HTR1F: variants seen among roughly 807,000 people sequenced by gnomAD.
The protein encoded by HTR1F is 5-hydroxytryptamine receptor 1F.
Under a neutral mutation model 24.0 loss-of-function variants are expected in HTR1F, and 17 were observed. The ratio of observed to expected loss-of-function variants is 0.71; its 90% CI spans 0.48 to 1.06. The LOEUF is 1.06. Ranked by LOEUF, HTR1F falls within the 50% of genes least tolerant of loss-of-function variation. The pLI, the probability that HTR1F is intolerant of heterozygous loss-of-function variation, is 0.00. For missense variants in HTR1F, 391 were observed against 427.8 expected, an observed-to-expected ratio of 0.91 and a Z score of 0.76; for synonymous variants, 186 against 156.8, an observed-to-expected ratio of 1.19 and a Z score of -1.39.
At chr3:87,931,502 T>C (rs1704271056) in intron 2 of HTR1F, among the ~76,000 whole-genome samples, 1 of 152,214 alleles carries the variant, frequency 6.6e-6, no homozygotes, top group Non-Finnish European at 1.5e-5. Flanking sequence ...AGTGCTGCAA[T>C]AAACATACGT....
chr3:87,838,993 CTTT>C (rs1704740212), intron 2 of HTR1F, among the ~76,000 whole-genome samples: 1 of 147,854 alleles, frequency 6.8e-6, no homozygotes, highest in Non-Finnish European at 1.5e-5. Context: ...ATTGATTGTT[CTTT>C]TTATTTATTT....
chr3:87,983,195 A>C (rs565049697), intron 2 of HTR1F, among the ~76,000 whole-genome samples: 1 of 152,206 alleles, frequency 6.6e-6, no homozygotes, highest in African/African-American at 2.4e-5. Context: ...ATTCAAAGCC[A>C]AAAAGTTAAG....
At chr3:87,834,019 C>T (rs576418999) in intron 2 of HTR1F, among the ~76,000 whole-genome samples, 1 of 152,212 alleles carries the variant, frequency 6.6e-6, no homozygotes, top group South Asian at 2.1e-4. Context: ...CTCAGGTGCA[C>T]ATTTTGTGTT....
intron 2 of HTR1F, among the ~76,000 whole-genome samples, chr3:87,936,831 C>T (rs539343363): frequency 6.6e-6 from 1 of 151,898 alleles, no homozygotes; most frequent in Admixed American, 6.6e-5. Flanking sequence ...CTGAGATACT[C>T]ATTTCATCTC....
intron 2 of HTR1F, among the ~76,000 whole-genome samples, chr3:87,949,976 C>A (rs1206169349): frequency 6.6e-6 from 1 of 152,154 alleles, no homozygotes; most frequent in Non-Finnish European, 1.5e-5. Flanking sequence ...ATCTGCTCAG[C>A]TTCTGATGAG....
intron 2 of HTR1F, among the ~76,000 whole-genome samples, chr3:87,883,111 G>A (rs1705846943): frequency 6.6e-6 from 1 of 152,160 alleles, no homozygotes; most frequent in Non-Finnish European, 1.5e-5. Flanking sequence ...GAAGGATCAG[G>A]CAGCAATATT....
intron 2 of HTR1F, among the ~76,000 whole-genome samples, chr3:87,983,821 T>C (rs1705604181): frequency 6.6e-6 from 1 of 152,256 alleles, no homozygotes; most frequent in South Asian, 2.1e-4. Flanking sequence ...TTTTGAAGGT[T>C]ATAATTTCAG....
In HTR1F at chr3:87,946,611, GTATA is replaced by G. The variant is rs1178082807; in HGVS notation, c.-42-44083_-42-44080del. Among the ~76,000 whole-genome samples the G allele has an allele frequency of 7.3e-4, 95 of 129,914 alleles. 2 individuals are homozygous for G. The highest frequency in any genetic ancestry group is 8.2e-4 in the Admixed American group (10 of 12,190). The allele number at this position is 129,914 out of a possible 152,430, so 85.2% of individuals were successfully genotyped here. ...GTAATTTACATATATGTGTGTGTGTGTATATATATATATATATTTTTTTTTTTTT... is the reference window on the plus strand; with the variant it reads ...GTAATTTACATATATGTGTGTGTGTGTATATATATATATTTTTTTTTTTTT... On this transcript the variant is annotated intron_variant, in intron 2 of 2. Transcript: ENST00000319595.
intron 1 of HTR1F, among the ~76,000 whole-genome samples, chr3:87,794,342 C>T (rs1406982054): frequency 2.0e-5 from 3 of 152,178 alleles, no homozygotes; most frequent in Non-Finnish European, 2.9e-5. Flanking sequence ...TGCTTCCCCC[C>T]ACCCCATTCT....
chr3:87,870,859 G>T (rs562982457), intron 2 of HTR1F, among the ~76,000 whole-genome samples: 1 of 151,972 alleles, frequency 6.6e-6, no homozygotes, highest in African/African-American at 2.4e-5. Context: ...CAGAGAAAAT[G>T]CATGCCCCCA....
chr3:87,928,837 T>A (rs1262181069), intron 2 of HTR1F, among the ~76,000 whole-genome samples: 1 of 152,214 alleles, frequency 6.6e-6, no homozygotes, highest in East Asian at 1.9e-4. Flanking sequence ...ATATACATTT[T>A]GTGTGTAAGG....
chr3:87,822,965 C>A (rs930114037), intron 2 of HTR1F, among the ~76,000 whole-genome samples: 3 of 152,028 alleles, frequency 2.0e-5, no homozygotes. Context: ...ATTTACCTTC[C>A]CAATCTTACA....
intron 2 of HTR1F, among the ~76,000 whole-genome samples, chr3:87,881,225 C>A (rs1403632835): frequency 6.6e-6 from 1 of 152,198 alleles, no homozygotes; most frequent in Non-Finnish European, 1.5e-5. Context: ...ACACTCACAC[C>A]TAAATACTGA....
intron 2 of HTR1F, among the ~76,000 whole-genome samples, chr3:87,872,326 C>G (rs990491258): frequency 1.3e-5 from 2 of 152,020 alleles, no homozygotes; most frequent in African/African-American, 4.8e-5. Flanking sequence ...AATCAACAAC[C>G]TGACTTATTT....
chr3:87,826,924 C>A (rs1704475792), intron 2 of HTR1F, among the ~76,000 whole-genome samples: 1 of 152,074 alleles, frequency 6.6e-6, no homozygotes, highest in Admixed American at 6.6e-5. Context: ...GATCCTCCCA[C>A]CTCAGCCTCC....
At chr3:87,914,769 T>G (rs1703856093) in intron 2 of HTR1F, among the ~76,000 whole-genome samples, 1 of 151,952 alleles carries the variant, frequency 6.6e-6, no homozygotes, top group Non-Finnish European at 1.5e-5. Context: ...CCCTGGTAGC[T>G]GAAGACAAGG....
At chr3:87,898,403 C>T (rs1706249288) in intron 2 of HTR1F, among the ~76,000 whole-genome samples, 1 of 152,054 alleles carries the variant, frequency 6.6e-6, no homozygotes, top group Non-Finnish European at 1.5e-5. Flanking sequence ...GTTGTTTTAG[C>T]TCATGCTGAT....
intron 2 of HTR1F, among the ~76,000 whole-genome samples, chr3:87,908,552 A>T (rs1421651102): frequency 6.6e-6 from 1 of 152,024 alleles, no homozygotes; most frequent in Non-Finnish European, 1.5e-5. Flanking sequence ...GTATTTGGAG[A>T]TTATAATGTA....
chr3:87,909,446 C>G (rs1225256521), intron 2 of HTR1F, among the ~76,000 whole-genome samples: 1 of 151,980 alleles, frequency 6.6e-6, no homozygotes, highest in Non-Finnish European at 1.5e-5. Flanking sequence ...TATGCTTCCT[C>G]TGCTTAATAT....
Sources: allele counts gnomAD v4.1 joint callset (sites outside exome capture counted in the v4.1 genomes callset), GRCh38; gene constraint gnomAD v4.1.1; transcripts MANE v1.5; gene names NCBI Gene and HGNC (gene_info 2026-07-23, HGNC 2026-07-21).